Variants in MACROD2 observed in about 807,000 individuals in gnomAD.
MACROD2 encodes the protein ADP-ribose glycohydrolase MACROD2.
Under a neutral mutation model 70.4 loss-of-function variants are expected in MACROD2, and 36 were observed. The observed-to-expected ratio is 0.51, with a 90% CI of 0.39 to 0.68. The LOEUF (loss-of-function observed/expected upper bound fraction) is 0.68. Ranked by LOEUF, MACROD2 falls within the 30% of genes least tolerant of loss-of-function variation. The pLI, the probability that MACROD2 is intolerant of heterozygous loss-of-function variation, is 0.00. For missense variants in MACROD2, 496 were observed against 538.4 expected (o/e 0.92, Z 0.78); for synonymous variants, 172 against 178.8 (o/e 0.96, Z 0.30).
At chr20:15,774,131 G>A (rs2051681945) in intron 8 of MACROD2, among the ~76,000 whole-genome samples, 1 of 152,040 alleles carries the variant, frequency 6.6e-6, no homozygotes, top group East Asian at 1.9e-4. Flanking sequence ...TCTCTTTTCT[G>A]TGCTCTAAGA....
At chr20:15,239,183 G>GTTT (rs1568661199) in intron 6 of MACROD2, among the ~76,000 whole-genome samples, 5 of 119,038 alleles carry the variant, frequency 4.2e-5, no homozygotes, top group Non-Finnish European at 8.8e-5. Context: ...CAAATGTTCA[G>GTTT]ATTTTTTTTT....
intron 6 of MACROD2, among the ~76,000 whole-genome samples, chr20:15,368,132 A>G (rs778093818): frequency 3.9e-5 from 6 of 152,232 alleles, no homozygotes; most frequent in African/African-American, 1.2e-4. Context: ...TATAAAATGC[A>G]TTCATAAACT....
intron 5 of MACROD2, among the ~76,000 whole-genome samples, chr20:14,817,420 C>T (rs758059395): frequency 3.3e-5 from 5 of 152,004 alleles, no homozygotes; most frequent in Non-Finnish European, 5.9e-5. Context: ...AAGACATGAA[C>T]ACTAAGTTGT....
rs140334151 is a variant in MACROD2, at chr20:15,537,073, T to C, written c.645+37226T>C. 2.3e-3 allele frequency among the ~76,000 whole-genome samples: 353 copies of C among 152,320 alleles called. 4 individuals are homozygous for C. The highest frequency in any genetic ancestry group is 8.3e-3 in the African/African-American group (346 of 41,572). On this transcript the variant is annotated intron_variant, in intron 8 of 17. Coordinates refer to ENST00000684519, the MANE Select transcript of MACROD2 (RefSeq NM_001351661.2). ...TCATCTTGAATTTTAGCTCCCATAA[T>C]TCTCACATATTGTAGGAGGGACCCA... is the stretch of plus-strand genomic sequence containing the variant.
chr20:15,227,821 C>CTTTTTTTTTTTTTTTTTTTTTT (rs1336974761), intron 5 of MACROD2, among the ~76,000 whole-genome samples: 1 of 13,878 alleles, frequency 7.2e-5, no homozygotes, highest in African/African-American at 4.3e-4. Context: ...AGAATTTCAC[C>CTTTTTTTTTTTTTTTTTTTTTT]TGTTTTTTTT....
intron 4 of MACROD2, among the ~76,000 whole-genome samples, chr20:14,522,397 GAC>G (rs2085178852): frequency 6.6e-6 from 1 of 152,128 alleles, no homozygotes; most frequent in Non-Finnish European, 1.5e-5. Context: ...AAGCTGAAGA[GAC>G]ATTTTCTAGA....
intron 8 of MACROD2, among the ~76,000 whole-genome samples, chr20:15,561,733 T>C (rs1238606894): frequency 2.0e-5 from 3 of 152,178 alleles, no homozygotes; most frequent in African/African-American, 4.8e-5. Context: ...TAATTATCAT[T>C]AGACAAGCTA....
At chr20:15,620,497 T>A (rs2049109879) in intron 8 of MACROD2, among the ~76,000 whole-genome samples, 3 of 152,156 alleles carry the variant, frequency 2.0e-5, no homozygotes, top group Admixed American at 6.5e-5. Flanking sequence ...GGCTCCTACC[T>A]CAGGCAGTAA....
At chr20:15,452,772 T>G (rs1201563028) in intron 7 of MACROD2, among the ~76,000 whole-genome samples, 1 of 152,170 alleles carries the variant, frequency 6.6e-6, no homozygotes, top group Admixed American at 6.6e-5. Context: ...GAAGATATTA[T>G]TATTCAGACT....
chr20:14,113,857 G>A (rs1286386845), intron 3 of MACROD2, among the ~76,000 whole-genome samples: 1 of 152,064 alleles, frequency 6.6e-6, no homozygotes, highest in Non-Finnish European at 1.5e-5. Flanking sequence ...ATATTTGGAT[G>A]CTGCTAGCAT....
At chr20:15,461,002 A>ATTTTTT (rs199589127) in intron 7 of MACROD2, among the ~76,000 whole-genome samples, 4 of 50,254 alleles carry the variant, frequency 8.0e-5, no homozygotes, top group South Asian at 8.7e-4. Context: ...ATATATATAT[A>ATTTTTT]TATATTTTTT....
At chr20:15,566,509 A>G (rs2048313299) in intron 8 of MACROD2, among the ~76,000 whole-genome samples, 1 of 152,040 alleles carries the variant, frequency 6.6e-6, no homozygotes. Context: ...AAAAAAAAAA[A>G]AGGGAACAAT....
chr20:14,667,953 G>A (rs748541335), intron 4 of MACROD2, among the ~76,000 whole-genome samples: 1 of 152,054 alleles, frequency 6.6e-6, no homozygotes, highest in Admixed American at 6.6e-5. Context: ...TTCAAGACCA[G>A]CCTGGGCAAC....
At chr20:15,503,392 C>G (rs748972308) in intron 8 of MACROD2, among the ~76,000 whole-genome samples, 1 of 152,074 alleles carries the variant, frequency 6.6e-6, no homozygotes, top group Admixed American at 6.6e-5. Context: ...AAAGAAAGAC[C>G]GGGTGATATT....
intron 8 of MACROD2, among the ~76,000 whole-genome samples, chr20:15,651,085 G>T (rs1397486237): frequency 6.6e-6 from 1 of 152,140 alleles, no homozygotes; most frequent in African/African-American, 2.4e-5. Flanking sequence ...TTTGAAAATG[G>T]TTGGGTTTTT....
In MACROD2 at chr20:15,949,643, T is replaced by C. The variant is rs147395609; in HGVS notation, c.907+12099T>C. 3.3e-4 allele frequency among the ~76,000 whole-genome samples: 51 copies of C among 152,284 alleles called. 1 individual carries two copies. The highest frequency in any genetic ancestry group is 1.2e-3 in the African/African-American group (51 of 41,572). On this transcript the variant is annotated intron_variant, in intron 12 of 17. Transcript: ENST00000684519. ...GGTATCTTCGCTTGAATACCAGACA[T>C]TCCATTGGTGCCTTCCATAGATTTT...
At chr20:14,414,761 C>T (rs1293352821) in intron 3 of MACROD2, among the ~76,000 whole-genome samples, 1 of 152,130 alleles carries the variant, frequency 6.6e-6, no homozygotes, top group East Asian at 1.9e-4. Flanking sequence ...AGGCTTTGCA[C>T]TGCTTTTCCC....
At chr20:14,351,232 G>A (rs2083120413) in intron 3 of MACROD2, among the ~76,000 whole-genome samples, 1 of 151,596 alleles carries the variant, frequency 6.6e-6, no homozygotes, top group African/African-American at 2.4e-5. Context: ...TGGCTATTCT[G>A]GTTTTTTTGT....
chr20:14,524,904 A>G (rs2085212813), intron 4 of MACROD2, among the ~76,000 whole-genome samples: 2 of 152,234 alleles, frequency 1.3e-5, no homozygotes, highest in East Asian at 1.9e-4. Context: ...CTCTTGCAAG[A>G]ACTCGTTCAC....
Sources: allele counts gnomAD v4.1 joint callset (sites outside exome capture counted in the v4.1 genomes callset), GRCh38; gene constraint gnomAD v4.1.1; transcripts MANE v1.5; gene names NCBI Gene and HGNC (gene_info 2026-07-23, HGNC 2026-07-21).